Variants in TP63 observed in about 807,000 individuals in gnomAD.
TP63 encodes tumor protein 63.
Under a neutral mutation model 82.8 loss-of-function variants are expected in TP63, and 17 were observed. The observed-to-expected ratio is 0.21, with a 90% CI of 0.14 to 0.31. TP63 has a LOEUF of 0.31. Ranked by LOEUF, TP63 falls within the 10% of genes least tolerant of loss-of-function variation. TP63 has a pLI of 1.00. For missense variants in TP63, 648 were observed against 895.3 expected (o/e 0.72, Z 3.52); for synonymous variants, 330 against 321.7 (o/e 1.03, Z -0.28).
At chr3:189,702,732 T>C (rs185493823) in intron 1 of TP63, among the ~76,000 whole-genome samples, 334 of 152,336 alleles carry the variant, frequency 2.2e-3, no homozygotes, top group African/African-American at 7.8e-3. Context: ...CAGACATGAA[T>C]TTGAGTTTTA....
intron 1 of TP63, among the ~76,000 whole-genome samples, chr3:189,728,172 T>TA (rs112123067): frequency 0.024 from 3,402 of 142,860 alleles, 40 homozygotes; most frequent in Non-Finnish European, 0.031. Flanking sequence ...GTTTCGTTTA[T>TA]AAAAAAAAAA....
chr3:189,610,926 T>C, the TP63 span, among the ~76,000 whole-genome samples: 1 of 152,146 alleles, frequency 6.6e-6, no homozygotes, highest in Non-Finnish European at 1.5e-5. Flanking sequence ...AGAGAGCGCT[T>C]GTGCAGGAAA....
the TP63 span, among the ~76,000 whole-genome samples, chr3:189,598,917 G>A: frequency 6.6e-6 from 1 of 152,190 alleles, no homozygotes; most frequent in African/African-American, 2.4e-5. Context: ...CAAGTGGAAG[G>A]CATATCTTAG....
chr3:189,825,864 C>T (rs369516878), intron 4 of TP63, among the ~76,000 whole-genome samples: 56 of 152,200 alleles, frequency 3.7e-4, no homozygotes, highest in African/African-American at 1.3e-3. Flanking sequence ...TAGGGGTATG[C>T]GCTGTAATTT....
At chr3:189,721,139 A>C (rs777891738) in intron 1 of TP63, among the ~76,000 whole-genome samples, 1 of 152,204 alleles carries the variant, frequency 6.6e-6, no homozygotes, top group African/African-American at 2.4e-5. Context: ...GGAAGTTTGA[A>C]GAAGTCTTTG....
intron 4 of TP63, among the ~76,000 whole-genome samples, chr3:189,834,653 A>G (rs1388137965): frequency 6.6e-6 from 1 of 152,144 alleles, no homozygotes; most frequent in Admixed American, 6.5e-5. Flanking sequence ...GGGTTCCCAA[A>G]CTTGCAGGTC....
intron 10 of TP63, among the ~76,000 whole-genome samples, chr3:189,884,999 T>C (rs1231105721): frequency 6.6e-6 from 1 of 152,212 alleles, no homozygotes; most frequent in Non-Finnish European, 1.5e-5. Context: ...CCATATAGGC[T>C]TGGAACCTGG....
At chr3:189,816,263 C>T (rs192839347) in intron 4 of TP63, among the ~76,000 whole-genome samples, 3 of 152,196 alleles carry the variant, frequency 2.0e-5, no homozygotes, top group African/African-American at 7.2e-5. Flanking sequence ...AAAACTATAT[C>T]ATTAAGCTCA....
At chr3:189,712,987 A>G (rs1377624075) in intron 1 of TP63, among the ~76,000 whole-genome samples, 1 of 152,096 alleles carries the variant, frequency 6.6e-6, no homozygotes, top group African/African-American at 2.4e-5. Context: ...GTGCTGGGAA[A>G]TTCCACTATT....
chr3:189,894,295 C>G lies in TP63; in HGVS notation c.1836C>G (p.Ser612=), dbSNP rs2108873528. Residue 612 remains serine (S), a synonymous_variant, in exon 14 of 14, where the codon TCC becomes TCG. Transcript: ENST00000264731. ...LDHRQLHEFS[S]PSHLLRTPSS... is the part of the protein sequence containing the mutation. ...ACCGGCAGCTCCACGAATTCTCCTC[C>G]CCTTCTCATCTCCTGCGGACCCCAA... 6.2e-7 allele frequency: 1 copy of G among 1,614,100 alleles called. No individual in the cohort carries two copies. Among genetic ancestry groups the G allele is most frequent in the Non-Finnish European group, 8.5e-7 (1 of 1,180,016 alleles).
At position 189,873,401 on chromosome 3, in the gene TP63, C is replaced by T; in HGVS notation, c.1349+406C>T. On this transcript the variant is annotated intron_variant, in intron 10 of 13. Coordinates refer to ENST00000264731, the MANE Select transcript of TP63 (RefSeq NM_003722.5). ...AATCTCCTGGGATGCACACTATCCA[C>T]TTTTGGGAATAACACTGTAGACCAG... is the stretch of plus-strand genomic sequence containing the variant. The T allele has an allele frequency of 1.4e-5, 4 of 291,306 alleles. No homozygotes were observed. The South Asian group carries it at 1.4e-4, about 10-fold the overall frequency. 18.0% of individuals were successfully genotyped at this position (291,306 alleles called of 1,614,324 possible).
intron 3 of TP63, among the ~76,000 whole-genome samples, chr3:189,805,614 G>C (rs79805631): frequency 6.6e-6 from 1 of 152,218 alleles, no homozygotes; most frequent in East Asian, 1.9e-4. Context: ...GGAGGCCTTC[G>C]GCCTTGGCCA....
At chr3:189,869,270 C>A (rs753491691) in intron 8 of TP63, 54 bp from the exon 9 acceptor site, 3 of 1,289,016 alleles carry the variant, frequency 2.3e-6, no homozygotes, top group Admixed American at 1.7e-5. Context: ...ATTTAATATG[C>A]ATTAGTGCTT....
intron 4 of TP63, among the ~76,000 whole-genome samples, chr3:189,824,677 C>T (rs145508762): frequency 6.6e-6 from 1 of 152,210 alleles, no homozygotes; most frequent in Admixed American, 6.5e-5. Flanking sequence ...AACATCTGTG[C>T]CTAGATCACA....
chr3:189,852,253 TA>T (rs1182969866), intron 4 of TP63, among the ~76,000 whole-genome samples: 1 of 152,234 alleles, frequency 6.6e-6, no homozygotes, highest in East Asian at 1.9e-4. Context: ...AAAATTGGCC[TA>T]TTAATTCCAG....
upstream of TP63, among the ~76,000 whole-genome samples, chr3:189,628,749 G>A (rs949380656): frequency 1.3e-5 from 2 of 152,122 alleles, no homozygotes; most frequent in Non-Finnish European, 2.9e-5. Context: ...TCCCCTAAGA[G>A]AATAAGGATG....
chr3:189,811,184 T>G (rs1727525502), intron 4 of TP63, among the ~76,000 whole-genome samples: 1 of 152,200 alleles, frequency 6.6e-6, no homozygotes, highest in South Asian at 2.1e-4. Flanking sequence ...AAATTCAGTC[T>G]GTGCCTCAGA....
chr3:189,703,111 G>A (rs1355705603), intron 1 of TP63, among the ~76,000 whole-genome samples: 1 of 152,134 alleles, frequency 6.6e-6, no homozygotes, highest in African/African-American at 2.4e-5. Flanking sequence ...TGGGATCAGG[G>A]TTAACTACAA....
chr3:189,780,686 C>T (rs1724162922), intron 3 of TP63, among the ~76,000 whole-genome samples: 1 of 152,236 alleles, frequency 6.6e-6, no homozygotes, highest in African/African-American at 2.4e-5. Context: ...TGCTTTTTCT[C>T]CCATGGCTTA....
Sources: allele counts gnomAD v4.1 joint callset (sites outside exome capture counted in the v4.1 genomes callset), GRCh38; gene constraint gnomAD v4.1.1; transcripts MANE v1.5; gene names NCBI Gene and HGNC (gene_info 2026-07-23, HGNC 2026-07-21).